The following DYNLT1 variants were observed in gnomAD, a reference collection of about 807,000 sequenced individuals.
The protein encoded by DYNLT1 is dynein light chain Tctex-type 1, also known as T-complex testis-specific protein 1 homolog.
DYNLT1 carries 18 observed loss-of-function variants against 19.6 expected under a neutral mutation model. That is an observed-to-expected ratio of 0.92 (90% CI 0.64 to 1.36). The LOEUF is 1.36. DYNLT1 is among the 40% of genes most tolerant of loss of function. The pLI is 0.00. For missense variants in DYNLT1, 137 were observed against 139.3 expected (o/e 0.98, Z 0.08); for synonymous variants, 56 against 44.0 (o/e 1.27, Z -1.07).
chr6:158,636,659 C>T lies in DYNLT1; in HGVS notation c.*168G>A, dbSNP rs1265602654. The stretch of plus-strand genomic sequence containing the variant: ...GCAGGTGACCTACAGGGATACTCAT[C>T]TGACTTCGGTGCCATTCACATCACA... On this transcript the variant is annotated 3_prime_UTR_variant, in exon 5 of 5. Coordinates refer to ENST00000367089, the MANE Select transcript of DYNLT1 (RefSeq NM_006519.4). 2 of 676,850 alleles carry T rather than the reference C, an allele frequency of 3.0e-6. No individual in the cohort carries two copies. Among genetic ancestry groups the T allele is most frequent in the African/African-American group, 3.6e-5 (2 of 55,230 alleles). The allele number at this position is 676,850 out of a possible 1,614,324, so 41.9% of individuals were successfully genotyped here. A position where few individuals can be genotyped will look rare whatever the true frequency, so the allele number is the denominator to read the frequency against.
In DYNLT1 at chr6:158,637,835, G is replaced by T; in HGVS notation, c.129C>A (p.Thr43=). The T allele has an allele frequency of 6.2e-7, 1 of 1,611,450 alleles. No homozygotes were observed. Among genetic ancestry groups the T allele is most frequent in the Non-Finnish European group, 8.5e-7 (1 of 1,180,024 alleles). ...TTAAAGTTTGTTCTACTACATTTGT[G>T]GTCCACTGGTTCACTTTGCTGTGTT... The part of the protein sequence containing the change: ...AYQHSKVNQW[T]TNVVEQTLSQ... Residue 43 remains threonine, a synonymous_variant, in exon 3 of 5, where the codon ACC becomes ACA. Transcript: ENST00000367089.
chr6:158,636,731 ACAAAG>A lies in DYNLT1; in HGVS notation c.*91_*95del. 1 of 1,400,258 alleles carries A rather than the reference ACAAAG, an allele frequency of 7.1e-7. No individual in the cohort carries two copies. Among genetic ancestry groups the A allele is most frequent in the Non-Finnish European group, 9.8e-7 (1 of 1,023,884 alleles). 86.7% of individuals were successfully genotyped at this position (1,400,258 alleles called of 1,614,324 possible). ...CTCTACATTGTGAAAGTGCCACAAA[ACAAAG>A]AGAATGAGAAAAGAGTTCACTGAAT... On this transcript the variant is annotated 3_prime_UTR_variant, in exon 5 of 5. Transcript: ENST00000367089.
chr6:158,639,457 C>T (rs758082803), intron 2 of DYNLT1, among the ~76,000 whole-genome samples: 2 of 152,108 alleles, frequency 1.3e-5, no homozygotes, highest in Admixed American at 6.6e-5. Context: ...CCTCTCCCTC[C>T]GCCAGCTCTC....
In DYNLT1 at chr6:158,640,625, C is replaced by T. The variant is rs574025624; in HGVS notation, c.69+694G>A. ...TACTGCATTACCCCTACTTCTCATT[C>T]TGCAGATTTCAGCTCGAAATGGTCC... On this transcript the variant is annotated intron_variant, in intron 2 of 4. Coordinates refer to ENST00000367089, the MANE Select transcript of DYNLT1 (RefSeq NM_006519.4). Among the ~76,000 whole-genome samples, 46 of 152,284 alleles carry T rather than the reference C, an allele frequency of 3.0e-4. No individual in the cohort carries two copies. The East Asian group carries it at 5.6e-3, about 19-fold the overall frequency.
In DYNLT1 at chr6:158,637,515, C is replaced by T. The variant is rs568229136; in HGVS notation, c.193+256G>A. ...GCCACTGTCAGCTGGGGGCTGTCCA[C>T]ACTTCCTCTATGCTTCACTTGTTCT... On this transcript the variant is annotated intron_variant, in intron 3 of 4. Transcript: ENST00000367089. 2.9e-4 allele frequency: 185 copies of T among 638,232 alleles called. 1 individual carries two copies. In the African/African-American group the frequency reaches 3.1e-3, roughly 11 times the overall value. The allele number at this position is 638,232 out of a possible 1,614,324, so 39.5% of individuals were successfully genotyped here.
At chr6:158,637,089 C>T (rs1562323053) in intron 4 of DYNLT1, 39 bp downstream of exon 4, 2 of 1,612,312 alleles carry the variant, frequency 1.2e-6, no homozygotes, top group South Asian at 1.1e-5. Flanking sequence ...TCATATATTT[C>T]ACACAACAAA....
At chr6:158,641,680 T>G (rs1787138038) in intron 1 of DYNLT1, 1 of 168,876 alleles carries the variant, frequency 5.9e-6, no homozygotes. Flanking sequence ...CAAGTGATTC[T>G]CCTGCCTCAG....
intron 4 of DYNLT1, 86 bp from the exon 5 acceptor site, chr6:158,636,983 C>A: frequency 1.9e-6 from 3 of 1,541,644 alleles, no homozygotes; most frequent in Admixed American, 3.6e-5. Flanking sequence ...TTCAAGTACC[C>A]ATCTCTATGC....
chr6:158,639,247 C>T (rs1395056704), intron 2 of DYNLT1, among the ~76,000 whole-genome samples: 1 of 152,184 alleles, frequency 6.6e-6, no homozygotes, highest in East Asian at 1.9e-4. Context: ...TCACGTTACA[C>T]ATAGGGCTGG....
chr6:158,644,461 G>A (rs1393299348), intron 1 of DYNLT1, among the ~76,000 whole-genome samples: 2 of 152,178 alleles, frequency 1.3e-5, no homozygotes, highest in Admixed American at 1.3e-4. Context: ...GCGGGAAGAA[G>A]CTCAATCCCC....
intron 3 of DYNLT1, 83 bp from the exon 4 acceptor site, chr6:158,637,288 G>A (rs1787029473): frequency 1.6e-6 from 2 of 1,243,238 alleles, no homozygotes; most frequent in South Asian, 1.3e-5. Flanking sequence ...AACGTACAAT[G>A]TATGTAGCTC....
chr6:158,644,251 A>C (rs1001914868), intron 1 of DYNLT1, among the ~76,000 whole-genome samples: 5 of 151,776 alleles, frequency 3.3e-5, no homozygotes, highest in African/African-American at 1.2e-4. Context: ...GGAGACGTCC[A>C]AGCCTCGGCG....
intron 1 of DYNLT1, among the ~76,000 whole-genome samples, chr6:158,644,183 G>C (rs914241883): frequency 1.3e-5 from 2 of 152,016 alleles, no homozygotes; most frequent in East Asian, 1.9e-4. Context: ...CGGGATGGCC[G>C]GGACGCCAGC....
Position 158,644,664 on chromosome 6 carries a change from C to A in DYNLT1, c.27+18G>T. 1 of 1,611,978 alleles carries A rather than the reference C, an allele frequency of 6.2e-7. No homozygotes were observed. Among genetic ancestry groups the A allele is most frequent in the Non-Finnish European group, 8.5e-7 (1 of 1,179,700 alleles). On this transcript the variant is annotated intron_variant, in intron 1 of 4. Coordinates refer to ENST00000367089, the MANE Select transcript of DYNLT1 (RefSeq NM_006519.4). ...GGGCTCTAGGCCTCCACCCTTCCGT[C>A]GCCGACCCGGCGGTTACCTCCTCCG...
At chr6:158,644,567 C>T (rs1787303870) in intron 1 of DYNLT1, 115 bp downstream of exon 1, 1 of 1,300,210 alleles carries the variant, frequency 7.7e-7, no homozygotes, top group Non-Finnish European at 1.1e-6. Flanking sequence ...CGTGGGCTGC[C>T]GAGACTGGCC....
At chr6:158,640,008 T>C (rs758137857) in intron 2 of DYNLT1, among the ~76,000 whole-genome samples, 6 of 152,192 alleles carry the variant, frequency 3.9e-5, no homozygotes, top group Admixed American at 6.5e-5. Context: ...TTGCACTTGC[T>C]AATTGAAAGC....
At chr6:158,644,435 C>G (rs1787289194) in intron 1 of DYNLT1, among the ~76,000 whole-genome samples, 1 of 152,190 alleles carries the variant, frequency 6.6e-6, no homozygotes, top group African/African-American at 2.4e-5. Flanking sequence ...CCGAGTCACG[C>G]CCGGTGCCTC....
intron 1 of DYNLT1, among the ~76,000 whole-genome samples, chr6:158,644,365 C>T (rs1315053465): frequency 6.6e-6 from 1 of 152,136 alleles, no homozygotes; most frequent in Non-Finnish European, 1.5e-5. Flanking sequence ...AGCTTGGCTG[C>T]GGGCCGGAGG....
At chr6:158,637,647 C>T in intron 3 of DYNLT1, 124 bp downstream of exon 3, 2 of 1,485,684 alleles carry the variant, frequency 1.3e-6, no homozygotes, top group African/African-American at 1.4e-5. Context: ...ACACACACGA[C>T]CGACTCCCAC....
Sources: gnomAD v4.1 joint callset for allele counts (sites outside exome capture counted in the v4.1 genomes callset) on GRCh38, gnomAD v4.1.1 for gene constraint, MANE v1.5 for transcripts, NCBI Gene and HGNC (gene_info 2026-07-23, HGNC 2026-07-21) for gene names.